Variants in FRMPD4 observed in about 807,000 individuals in gnomAD.
FRMPD4 encodes the protein FERM and PDZ domain containing 4.
Under a neutral mutation model 94.1 loss-of-function variants are expected in FRMPD4, and 22 were observed. That is an observed-to-expected ratio of 0.23 (90% CI 0.17 to 0.33). FRMPD4 has a LOEUF of 0.33. Among genes scored for constraint, FRMPD4 ranks in the 10% least tolerant of loss-of-function variants. FRMPD4 has a pLI of 1.00. For synonymous variants in FRMPD4, 631 were observed against 548.6 expected, an observed-to-expected ratio of 1.15 and a Z score of -2.10; for missense variants, 1,111 against 1,339.9, an observed-to-expected ratio of 0.83 and a Z score of 2.67.
At chrX:12,457,959 C>T (rs188996949) in intron 1 of FRMPD4, among the ~76,000 whole-genome samples, 2 of 111,412 alleles carry the variant, frequency 1.8e-5, no homozygotes, top group African/African-American at 3.3e-5. Context: ...AACTTGACTC[C>T]CAAAATGTTC....
chrX:12,468,711 C>G (rs2057476526), intron 1 of FRMPD4, among the ~76,000 whole-genome samples: 1 of 111,929 alleles, frequency 8.9e-6, no homozygotes, highest in Non-Finnish European at 1.9e-5. Context: ...ACATCACCCC[C>G]TTACTATGGG....
chrX:12,336,877 G>T (rs1403847648), intron 1 of FRMPD4, among the ~76,000 whole-genome samples: 1 of 111,555 alleles, frequency 9.0e-6, no homozygotes, highest in Admixed American at 9.6e-5. Flanking sequence ...CAAAGCTTTT[G>T]ATGAAGAAGA....
chrX:12,018,666 C>T (rs965104956), intron 3 of FRMPD4, among the ~76,000 whole-genome samples: 2 of 111,185 alleles, frequency 1.8e-5, no homozygotes, highest in African/African-American at 6.6e-5. Flanking sequence ...ATCTGCCCGC[C>T]TTGGCCTCCC....
rs1466426015 is a variant in FRMPD4 at position 12,609,702 on chromosome X, G to T, written c.159-19G>T. On this transcript the variant is annotated intron_variant, in intron 2 of 16. Coordinates refer to ENST00000675598, the MANE Select transcript of FRMPD4 (RefSeq NM_001368397.1). ...CATACATTGATGCCTTGTTTCTCTTGTATGTGCTTTCTCCACAGTCACATG... is the reference window on the plus strand; with the variant it reads ...CATACATTGATGCCTTGTTTCTCTTTTATGTGCTTTCTCCACAGTCACATG... 8.4e-7 allele frequency: 1 copy of T among 1,191,374 alleles called. No individual in the cohort carries two copies. The highest frequency in any genetic ancestry group is 2.2e-5 in the Admixed American group (1 of 46,021).
chrX:12,267,159 C>T (rs180828860), intron 1 of FRMPD4, among the ~76,000 whole-genome samples: 11 of 111,796 alleles, frequency 9.8e-5, no homozygotes, highest in Admixed American at 7.6e-4. Flanking sequence ...GTCGGAAAAT[C>T]GTAAGTCAAA....
intron 1 of FRMPD4, among the ~76,000 whole-genome samples, chrX:12,230,967 T>C (rs1430398049): frequency 2.8e-5 from 2 of 71,057 alleles, no homozygotes; most frequent in Non-Finnish European, 5.1e-5. Flanking sequence ...ATATAGTAAA[T>C]ATATAGTAAT....
chrX:12,391,083 A>C (rs191522104), intron 1 of FRMPD4, among the ~76,000 whole-genome samples: 1 of 112,078 alleles, frequency 8.9e-6, no homozygotes, highest in African/African-American at 3.2e-5. Context: ...TAGGATCATA[A>C]ACTTCTTACA....
intron 3 of FRMPD4, among the ~76,000 whole-genome samples, chrX:12,104,551 TA>T (rs1182012232): frequency 8.9e-6 from 1 of 112,721 alleles, no homozygotes; most frequent in Non-Finnish European, 1.9e-5. Flanking sequence ...CCATGTCCCA[TA>T]AGTTTTATTC....
intron 1 of FRMPD4, among the ~76,000 whole-genome samples, chrX:12,302,449 A>G (rs2054875409): frequency 8.9e-6 from 1 of 112,042 alleles, no homozygotes; most frequent in Non-Finnish European, 1.9e-5. Context: ...TATAGCATAC[A>G]ATATCTCAAT....
At position 12,440,775 on chromosome X, in the gene FRMPD4, A is replaced by C. The variant is rs1601945968; in HGVS notation, c.42-57905A>C. Among the ~76,000 whole-genome samples the C allele has an allele frequency of 2.7e-5, 3 of 110,686 alleles. No homozygotes were observed. In the South Asian group the frequency reaches 1.1e-3, roughly 42 times the overall value. On this transcript the variant is annotated intron_variant, in intron 1 of 16. Transcript: ENST00000675598. The stretch of plus-strand genomic sequence containing the variant: ...CTTGGAAAGGACACCAACTGTATGC[A>C]CTATAGTGCCCTATAAACTTACTTA...
chrX:12,451,921 CTT>C (rs1346198107), intron 1 of FRMPD4, among the ~76,000 whole-genome samples: 1 of 110,753 alleles, frequency 9.0e-6, no homozygotes, highest in Non-Finnish European at 1.9e-5. Context: ...CAGCTCTATT[CTT>C]TCTCTTTTCT....
chrX:12,367,647 A>G (rs2056104435), intron 1 of FRMPD4, among the ~76,000 whole-genome samples: 1 of 111,086 alleles, frequency 9.0e-6, no homozygotes, highest in Non-Finnish European at 1.9e-5. Flanking sequence ...GATGGTGGCA[A>G]TAACCATGAG....
intron 1 of FRMPD4, among the ~76,000 whole-genome samples, chrX:12,280,438 C>A (rs1169844192): frequency 9.1e-6 from 1 of 109,510 alleles, no homozygotes; most frequent in Non-Finnish European, 1.9e-5. Context: ...TGGCCTGGAA[C>A]CCCCTCTAGA....
At chrX:11,917,296 T>C (rs1250290551) in intron 3 of FRMPD4, among the ~76,000 whole-genome samples, 2 of 112,179 alleles carry the variant, frequency 1.8e-5, no homozygotes, top group African/African-American at 3.2e-5. Context: ...ATGGTGGGAA[T>C]GAAAATTCAT....
chrX:11,866,213 A>G (rs781291352), intron 2 of FRMPD4, among the ~76,000 whole-genome samples: 1 of 111,965 alleles, frequency 8.9e-6, no homozygotes, highest in African/African-American at 3.2e-5. Flanking sequence ...AAAAGGTCAG[A>G]TCTTACAAGT....
At chrX:12,191,221 C>T (rs1228488472) in intron 1 of FRMPD4, among the ~76,000 whole-genome samples, 1 of 111,897 alleles carries the variant, frequency 8.9e-6, no homozygotes, top group Non-Finnish European at 1.9e-5. Flanking sequence ...TTAGAATGGC[C>T]AAGATCCAGA....
chrX:11,963,409 G>A (rs948646861), intron 3 of FRMPD4, among the ~76,000 whole-genome samples: 1 of 112,401 alleles, frequency 8.9e-6, no homozygotes, highest in African/African-American at 3.2e-5. Context: ...TTTCAGTCCT[G>A]TTTGCCATAA....
At chrX:11,897,869 G>T (rs1266307781) in intron 3 of FRMPD4, among the ~76,000 whole-genome samples, 2 of 111,967 alleles carry the variant, frequency 1.8e-5, no homozygotes, top group Admixed American at 1.9e-4. Context: ...TAAAACCGGG[G>T]CTGGCTAAGG....
rs931632875 is a variant in FRMPD4, at chrX:12,064,777, T to G, written c.95+186759T>G. Among the ~76,000 whole-genome samples, 4 of 112,106 alleles carry G rather than the reference T, an allele frequency of 3.6e-5. No individual in the cohort carries two copies. In the Admixed American group the frequency reaches 3.8e-4, roughly 11 times the overall value. ...CAATATATCCTGGGATAAAATTTAT[T>G]CTGGAGCTTTATACAGTAATTAGTT... On this transcript the variant is annotated intron_variant, in intron 3 of 18. Coordinates refer to the FRMPD4 transcript ENST00000640291.
Sources: gnomAD v4.1 joint callset for allele counts (sites outside exome capture counted in the v4.1 genomes callset) on GRCh38, gnomAD v4.1.1 for gene constraint, MANE v1.5 for transcripts, NCBI Gene and HGNC (gene_info 2026-07-23, HGNC 2026-07-21) for gene names.